Variants in BCKDHB observed in about 807,000 individuals in gnomAD.
The protein encoded by BCKDHB is branched chain keto acid dehydrogenase E1 subunit beta.
A neutral mutation model predicts 48.5 loss-of-function variants in BCKDHB; 41 were observed. That is an observed-to-expected ratio of 0.85 (90% CI 0.66 to 1.10). BCKDHB has a LOEUF of 1.10. BCKDHB is among the 50% of genes least tolerant of loss of function. The probability of loss-of-function intolerance (pLI) is 0.00; values close to 1 mark genes in which losing one functional copy is unlikely to be tolerated. For synonymous variants in BCKDHB, 201 were observed against 174.8 expected (o/e 1.15, Z -1.18); for missense variants, 496 against 494.2 (o/e 1.00, Z -0.03).
the BCKDHB span, among the ~76,000 whole-genome samples, chr6:80,411,898 A>G: frequency 2.0e-5 from 3 of 151,886 alleles, no homozygotes; most frequent in African/African-American, 7.3e-5. Flanking sequence ...AAATCCCCCG[A>G]CCCCTTCAAC....
At chr6:80,174,200 G>GT (rs1488276180) in intron 6 of BCKDHB, among the ~76,000 whole-genome samples, 1 of 152,104 alleles carries the variant, frequency 6.6e-6, no homozygotes, top group East Asian at 1.9e-4. Context: ...TACATTTAAA[G>GT]TTTTTTAGAA....
the BCKDHB span, among the ~76,000 whole-genome samples, chr6:80,394,447 TTTTG>T: frequency 6.6e-6 from 1 of 152,170 alleles, no homozygotes; most frequent in Non-Finnish European, 1.5e-5. Context: ...ATTGTTTTTT[TTTTG>T]TTTGTTTCAA....
At chr6:80,446,720 ATTTTTTTTT>A in the BCKDHB span, among the ~76,000 whole-genome samples, 3 of 111,362 alleles carry the variant, frequency 2.7e-5, no homozygotes, top group Non-Finnish European at 3.6e-5. Flanking sequence ...CTTCTGGACA[ATTTTTTTTT>A]TTTTTTTTTT....
chr6:80,178,764 T>C (rs1024006341), intron 6 of BCKDHB, among the ~76,000 whole-genome samples: 5 of 152,122 alleles, frequency 3.3e-5, no homozygotes, highest in South Asian at 2.1e-4. Flanking sequence ...ACAACCAGGA[T>C]TGGGCATGTT....
chr6:80,460,133 T>G, the BCKDHB span, among the ~76,000 whole-genome samples: 1 of 152,254 alleles, frequency 6.6e-6, no homozygotes, highest in South Asian at 2.1e-4. Flanking sequence ...TCAAGATATA[T>G]CTAAATGATG....
At chr6:80,241,684 A>G (rs956537178) in intron 8 of BCKDHB, among the ~76,000 whole-genome samples, 3 of 152,348 alleles carry the variant, frequency 2.0e-5, no homozygotes, top group South Asian at 4.1e-4. Context: ...GAAACTTCTC[A>G]TTCCTACATT....
chr6:80,188,606 C>T (rs1337912145), intron 6 of BCKDHB, among the ~76,000 whole-genome samples: 1 of 152,034 alleles, frequency 6.6e-6, no homozygotes, highest in Non-Finnish European at 1.5e-5. Context: ...CACCACTGCA[C>T]TCCAGCCTGG....
downstream of BCKDHB, among the ~76,000 whole-genome samples, chr6:80,347,424 C>T (rs1198538124): frequency 6.6e-6 from 1 of 152,128 alleles, no homozygotes; most frequent in African/African-American, 2.4e-5. Context: ...TCAAAGCATC[C>T]TACAGGGAAC....
At chr6:80,374,430 T>A in the BCKDHB span, 1 of 770,394 alleles carries the variant, frequency 1.3e-6, no homozygotes, top group Non-Finnish European at 2.4e-6. Flanking sequence ...ATCTTTCAGA[T>A]ATTTTGTGGC....
chr6:80,414,086 C>T, the BCKDHB span, among the ~76,000 whole-genome samples: 2 of 151,946 alleles, frequency 1.3e-5, no homozygotes, highest in African/African-American at 4.8e-5. Flanking sequence ...TCATTGGCCA[C>T]ATGTATGTCT....
Position 80,297,099 on chromosome 6 carries a change from C to T in BCKDHB, c.1038+23878C>T, listed in dbSNP as rs149767480. Among the ~76,000 whole-genome samples the T allele has an allele frequency of 1.1e-3, 168 of 152,236 alleles. 1 individual carries two copies. Among genetic ancestry groups the T allele is most frequent in the African/African-American group, 3.7e-3 (154 of 41,552 alleles). ...CAATGGACAGAAGTGCAGATAAGGGCGACTGTTTCCAGCATAGCAAGGGGG... is the reference window on the plus strand; with the variant it reads ...CAATGGACAGAAGTGCAGATAAGGGTGACTGTTTCCAGCATAGCAAGGGGG... On this transcript the variant is annotated intron_variant, in intron 9 of 9. Transcript: ENST00000320393.
chr6:80,109,969 A>G (rs1769327621), intron 1 of BCKDHB, among the ~76,000 whole-genome samples: 1 of 152,176 alleles, frequency 6.6e-6, no homozygotes, highest in Admixed American at 6.5e-5. Flanking sequence ...ATATACTAAG[A>G]TTTTGTCTGT....
At chr6:80,291,974 G>C (rs1424122764) in intron 9 of BCKDHB, among the ~76,000 whole-genome samples, 3 of 152,150 alleles carry the variant, frequency 2.0e-5, no homozygotes, top group Non-Finnish European at 2.9e-5. Context: ...TCTTAGATAA[G>C]ACTTCTTAAA....
At chr6:80,432,010 G>A in the BCKDHB span, among the ~76,000 whole-genome samples, 1 of 151,696 alleles carries the variant, frequency 6.6e-6, no homozygotes, top group Non-Finnish European at 1.5e-5. Flanking sequence ...TAAGAATGTT[G>A]AATATTGGCC....
intron 2 of BCKDHB, 123 bp from the exon 3 acceptor site, chr6:80,129,038 G>A (rs1211425373): frequency 6.6e-6 from 5 of 755,844 alleles, no homozygotes; most frequent in African/African-American, 3.6e-5. Context: ...AACCTTGATC[G>A]AGATCTATGG....
the BCKDHB span, among the ~76,000 whole-genome samples, chr6:80,415,712 G>C: frequency 1.5e-3 from 230 of 152,226 alleles, 1 homozygote; most frequent in African/African-American, 4.8e-3. Flanking sequence ...TGTTCATTAA[G>C]GGTATTGGCC....
chr6:80,365,386 C>T, the BCKDHB span, among the ~76,000 whole-genome samples: 1 of 152,134 alleles, frequency 6.6e-6, no homozygotes, highest in African/African-American at 2.4e-5. Flanking sequence ...CTTATCTCAA[C>T]TGCATAAGAC....
chr6:80,212,743 C>T (rs1167176594), intron 8 of BCKDHB, among the ~76,000 whole-genome samples: 1 of 152,232 alleles, frequency 6.6e-6, no homozygotes, highest in East Asian at 1.9e-4. Flanking sequence ...TCCTGTGCCA[C>T]AGCTCCAGCT....
chr6:80,122,549 A>T (rs949001872), intron 1 of BCKDHB, among the ~76,000 whole-genome samples: 1 of 152,208 alleles, frequency 6.6e-6, no homozygotes, highest in Admixed American at 6.6e-5. Context: ...CGGGGGTGAC[A>T]TCCCATATTG....
Sources: allele counts gnomAD v4.1 joint callset (sites outside exome capture counted in the v4.1 genomes callset), GRCh38; gene constraint gnomAD v4.1.1; transcripts MANE v1.5; gene names NCBI Gene and HGNC (gene_info 2026-07-23, HGNC 2026-07-21).